MEI4: variants seen among roughly 807,000 people sequenced by gnomAD.
MEI4 encodes meiotic double-stranded break formation protein 4.
A neutral mutation model predicts 31.4 loss-of-function variants in MEI4; 27 were observed. The observed-to-expected ratio is 0.86, with a 90% CI of 0.63 to 1.19. The LOEUF (loss-of-function observed/expected upper bound fraction) is 1.19, where lower values mean the gene tolerates loss of function less well. MEI4 is among the 50% of genes most tolerant of loss of function. The pLI is 0.00. For synonymous variants in MEI4, 122 were observed against 145.4 expected (o/e 0.84, Z 1.16); for missense variants, 329 against 398.9 (o/e 0.82, Z 1.49).
chr6:77,921,217 A>AT (rs1398934543), intron 4 of MEI4, among the ~76,000 whole-genome samples: 1 of 151,848 alleles, frequency 6.6e-6, no homozygotes, highest in African/African-American at 2.4e-5. Context: ...TGCAGCTTCT[A>AT]TATCAGCATT....
intron 3 of MEI4, among the ~76,000 whole-genome samples, chr6:77,808,103 C>T (rs1378797666): frequency 1.3e-5 from 2 of 152,076 alleles, no homozygotes; most frequent in African/African-American, 4.8e-5. Flanking sequence ...GCCTGTTGTC[C>T]TAGAGTAATT....
intron 3 of MEI4, among the ~76,000 whole-genome samples, chr6:77,764,987 T>G (rs1200616509): frequency 1.3e-5 from 2 of 152,190 alleles, no homozygotes; most frequent in Non-Finnish European, 2.9e-5. Context: ...TAAGGTTGAA[T>G]GTCTACATCA....
At chr6:77,839,021 T>C (rs886752448) in intron 4 of MEI4, among the ~76,000 whole-genome samples, 25 of 152,096 alleles carry the variant, frequency 1.6e-4, no homozygotes. Context: ...CATTTTTTCC[T>C]TTTTTTCAAT....
intron 4 of MEI4, among the ~76,000 whole-genome samples, chr6:77,907,171 T>C (rs1003599774): frequency 6.6e-6 from 1 of 152,104 alleles, no homozygotes; most frequent in Non-Finnish European, 1.5e-5. Context: ...AGTTTTAGGG[T>C]ACATGTGCAT....
rs1462406461 is a variant in MEI4, at chr6:77,926,800, A to G, written c.*3454A>G. The stretch of plus-strand genomic sequence containing the variant: ...AAACCAAGCTTTCTCTTAGCAGTCA[A>G]TATAATGACCCAACTACATCAATAT... On this transcript the variant is annotated 3_prime_UTR_variant, in exon 5 of 5. Coordinates refer to ENST00000684080, the MANE Select transcript of MEI4 (RefSeq NM_001322247.2). 2.6e-5 allele frequency: 4 copies of G among 152,134 alleles called. No homozygotes were observed. Among genetic ancestry groups the G allele is most frequent in the Middle Eastern group, 3.4e-3 (1 of 294 alleles). The allele number at this position is 152,134 out of a possible 1,614,324, so 9.4% of individuals were successfully genotyped here. A position where few individuals can be genotyped will look rare whatever the true frequency, so the allele number is the denominator to read the frequency against.
At chr6:77,809,860 T>C (rs969131553) in intron 3 of MEI4, among the ~76,000 whole-genome samples, 1 of 152,258 alleles carries the variant, frequency 6.6e-6, no homozygotes, top group Non-Finnish European at 1.5e-5. Context: ...CATTGTTTAT[T>C]TGAAATTTAA....
At chr6:77,793,580 G>T (rs137885211) in intron 3 of MEI4, among the ~76,000 whole-genome samples, 1 of 152,156 alleles carries the variant, frequency 6.6e-6, no homozygotes. Context: ...AATTATAGCT[G>T]TAATTTGTTA....
At chr6:77,710,539 A>AAAAAAAAG (rs1561953994) in intron 2 of MEI4, among the ~76,000 whole-genome samples, 8 of 120,782 alleles carry the variant, frequency 6.6e-5, no homozygotes, top group Non-Finnish European at 1.0e-4. Flanking sequence ...AAAAAAAAAA[A>AAAAAAAAG]AAAGAAAAGG....
chr6:77,876,444 G>A (rs578003415), intron 4 of MEI4, among the ~76,000 whole-genome samples: 1 of 152,198 alleles, frequency 6.6e-6, no homozygotes, highest in African/African-American at 2.4e-5. Context: ...TTAGCCATGG[G>A]ATGGCCTTCA....
chr6:77,804,307 G>A (rs138814524), intron 3 of MEI4, among the ~76,000 whole-genome samples: 2,203 of 152,290 alleles, frequency 0.014, 54 homozygotes, highest in African/African-American at 0.05. Context: ...TTGGAAGAGC[G>A]CAGTATTAGG....
chr6:77,664,151 A>G (rs1450589728), intron 1 of MEI4, among the ~76,000 whole-genome samples: 1 of 152,046 alleles, frequency 6.6e-6, no homozygotes, highest in Non-Finnish European at 1.5e-5. Flanking sequence ...ACTTTTTTCT[A>G]TTATTGTACA....
chr6:77,894,433 A>ATACGGAATACATACAGCT (rs1032415367), intron 4 of MEI4, among the ~76,000 whole-genome samples: 6 of 152,148 alleles, frequency 3.9e-5, no homozygotes, highest in Admixed American at 2.6e-4. Context: ...GTCTATAAGA[A>ATACGGAATACATACAGCT]TACGGAATAC....
chr6:77,789,673 A>G (rs966645658), intron 3 of MEI4, among the ~76,000 whole-genome samples: 1 of 152,250 alleles, frequency 6.6e-6, no homozygotes, highest in African/African-American at 2.4e-5. Context: ...ATCACTGGCC[A>G]TCAGAGAAAT....
chr6:77,924,875 C>T lies in MEI4; in HGVS notation c.*1529C>T, dbSNP rs571069173. 1 of 151,956 alleles carries T rather than the reference C, an allele frequency of 6.6e-6. No individual in the cohort carries two copies. Among genetic ancestry groups the T allele is most frequent in the South Asian group, 2.1e-4 (1 of 4,826 alleles). The allele number at this position is 151,956 out of a possible 1,614,324, so 9.4% of individuals were successfully genotyped here. On this transcript the variant is annotated 3_prime_UTR_variant, in exon 5 of 5. Coordinates refer to ENST00000684080, the MANE Select transcript of MEI4 (RefSeq NM_001322247.2). ...GAACTTGCAGTTACAGGGCAATGAGCATGGATGTAGGTAGGTAATTATTAG... is the reference window on the plus strand; with the variant it reads ...GAACTTGCAGTTACAGGGCAATGAGTATGGATGTAGGTAGGTAATTATTAG...
At chr6:77,800,006 A>T (rs913185462) in intron 3 of MEI4, among the ~76,000 whole-genome samples, 3 of 152,078 alleles carry the variant, frequency 2.0e-5, no homozygotes, top group Admixed American at 6.5e-5. Context: ...ATGAACTTTA[A>T]AGTAGTTTTT....
In MEI4 at chr6:77,807,088, T is replaced by C. The variant is rs1379717043; in HGVS notation, c.769-21843T>C. ...CTTAGAAAACTAGCTTTGGCAGCCC[T>C]GAGAGGATATCAGCTTCTTGACATA... On this transcript the variant is annotated intron_variant, in intron 3 of 4. Coordinates refer to ENST00000684080, the MANE Select transcript of MEI4 (RefSeq NM_001322247.2). 2.6e-5 allele frequency among the ~76,000 whole-genome samples: 4 copies of C among 152,064 alleles called. No individual in the cohort carries two copies. The East Asian group carries it at 5.8e-4, about 22-fold the overall frequency.
At chr6:77,746,234 TAAA>T (rs1201927980) in intron 2 of MEI4, among the ~76,000 whole-genome samples, 2 of 152,060 alleles carry the variant, frequency 1.3e-5, no homozygotes, top group Admixed American at 6.5e-5. Context: ...GCAAGACTAA[TAAA>T]GAAGAAAAGA....
intron 3 of MEI4, among the ~76,000 whole-genome samples, chr6:77,805,533 A>T (rs999340029): frequency 2.6e-5 from 4 of 152,170 alleles, no homozygotes; most frequent in Non-Finnish European, 4.4e-5. Flanking sequence ...TCTACTTTCT[A>T]TTCAATTTAA....
At chr6:77,889,840 A>G (rs1581954997) in intron 4 of MEI4, among the ~76,000 whole-genome samples, 1 of 152,234 alleles carries the variant, frequency 6.6e-6, no homozygotes, top group African/African-American at 2.4e-5. Context: ...AGCTGCGGCT[A>G]AAAGGGGCCA....
Sources: gnomAD v4.1 joint callset for allele counts (sites outside exome capture counted in the v4.1 genomes callset) on GRCh38, gnomAD v4.1.1 for gene constraint, MANE v1.5 for transcripts, NCBI Gene and HGNC (gene_info 2026-07-23, HGNC 2026-07-21) for gene names.